PDE4D: variants seen among roughly 807,000 people sequenced by gnomAD.
PDE4D encodes the protein phosphodiesterase 4D.
In PDE4D, 24 loss-of-function variants were observed where a neutral mutation model predicts 87.4. The observed-to-expected ratio is 0.27, with a 90% CI of 0.20 to 0.39. The LOEUF (loss-of-function observed/expected upper bound fraction) is 0.39, where lower values mean the gene tolerates loss of function less well. Among genes scored for constraint, PDE4D ranks in the 10% least tolerant of loss-of-function variants. The pLI is 1.00. For missense variants in PDE4D, 714 were observed against 1,041.0 expected, an observed-to-expected ratio of 0.69 and a Z score of 4.32; for synonymous variants, 384 against 383.2, an observed-to-expected ratio of 1.00 and a Z score of -0.02.
chr5:59,962,075 AT>A (rs113570303), intron 3 of PDE4D, among the ~76,000 whole-genome samples: 5,782 of 152,288 alleles, frequency 0.038, 330 homozygotes, highest in East Asian at 0.13. Flanking sequence ...AGGACTAAAA[AT>A]ATAAATGAAT....
chr5:59,836,190 A>C (rs1183598600), intron 1 of PDE4D, among the ~76,000 whole-genome samples: 1 of 152,008 alleles, frequency 6.6e-6, no homozygotes, highest in Non-Finnish European at 1.5e-5. Flanking sequence ...CATCTTCACC[A>C]TCAGTATCAT....
chr5:59,153,262 C>G (rs1461989580), intron 5 of PDE4D, among the ~76,000 whole-genome samples: 2 of 152,058 alleles, frequency 1.3e-5, no homozygotes, highest in African/African-American at 4.8e-5. Flanking sequence ...TCATTGACCA[C>G]TATAAGGCTT....
intron 1 of PDE4D, among the ~76,000 whole-genome samples, chr5:60,476,611 T>C (rs1359913757): frequency 3.9e-5 from 6 of 152,176 alleles, no homozygotes; most frequent in Non-Finnish European, 8.8e-5. Context: ...TGGTCCCTTG[T>C]TGTCTCCCCC....
chr5:59,249,025 C>G (rs1759416442), intron 1 of PDE4D, among the ~76,000 whole-genome samples: 1 of 151,450 alleles, frequency 6.6e-6, no homozygotes, highest in African/African-American at 2.4e-5. Flanking sequence ...ACACCATGAA[C>G]AAAAGTAAAA....
chr5:59,734,738 A>G (rs1262923749), intron 1 of PDE4D, among the ~76,000 whole-genome samples: 1 of 152,182 alleles, frequency 6.6e-6, no homozygotes, highest in African/African-American at 2.4e-5. Flanking sequence ...TCACAGTTAA[A>G]AAACACAGAA....
At chr5:60,328,778 A>G (rs1320317169) in intron 1 of PDE4D, among the ~76,000 whole-genome samples, 3 of 152,212 alleles carry the variant, frequency 2.0e-5, no homozygotes, top group African/African-American at 4.8e-5. Context: ...TGGTATAAGG[A>G]TTAGTTTGAA....
intron 1 of PDE4D, among the ~76,000 whole-genome samples, chr5:59,234,257 T>C (rs970794886): frequency 7.2e-5 from 11 of 152,208 alleles, no homozygotes; most frequent in African/African-American, 2.7e-4. Context: ...GATTATGATA[T>C]TCAATTATGT....
chr5:59,311,499 C>CAAAAAAAAAA (rs35020719), intron 1 of PDE4D, among the ~76,000 whole-genome samples: 3 of 43,356 alleles, frequency 6.9e-5, no homozygotes, highest in African/African-American at 1.9e-4. Context: ...GACTCTGTCT[C>CAAAAAAAAAA]AAAAAAAAAA....
At chr5:60,076,003 T>C (rs566483747) in intron 2 of PDE4D, among the ~76,000 whole-genome samples, 4 of 152,286 alleles carry the variant, frequency 2.6e-5, no homozygotes, top group Non-Finnish European at 5.9e-5. Flanking sequence ...TTGAATTTTA[T>C]TTCTGTCATA....
At chr5:59,568,778 T>C (rs1052301280) in intron 1 of PDE4D, among the ~76,000 whole-genome samples, 1 of 152,038 alleles carries the variant, frequency 6.6e-6, no homozygotes, top group Non-Finnish European at 1.5e-5. Flanking sequence ...GAAAATTCTA[T>C]AGCAAAGATA....
At chr5:59,736,929 T>C (rs1758153078) in intron 1 of PDE4D, among the ~76,000 whole-genome samples, 1 of 152,166 alleles carries the variant, frequency 6.6e-6, no homozygotes, top group Non-Finnish European at 1.5e-5. Context: ...TTCAAACATT[T>C]AATACAAAAG....
chr5:59,675,186 A>ATCAGCAATTTT (rs11275570), intron 1 of PDE4D, among the ~76,000 whole-genome samples: 111,582 of 151,520 alleles, frequency 0.74, 41,172 homozygotes, highest in East Asian at 0.83. Context: ...TGTGATTCAA[A>ATCAGCAATTTT]TCTATAATAC....
intron 2 of PDE4D, among the ~76,000 whole-genome samples, chr5:60,148,333 AACAAT>A (rs1781198974): frequency 6.6e-6 from 1 of 152,256 alleles, no homozygotes; most frequent in African/African-American, 2.4e-5. Flanking sequence ...CCACAAAAGT[AACAAT>A]ACAACCACAA....
In PDE4D at chr5:59,374,393, A is replaced by G. The variant is rs186533818; in HGVS notation, c.456-158425T>C. Among the ~76,000 whole-genome samples, 596 of 152,270 alleles carry G rather than the reference A, an allele frequency of 3.9e-3. 23 individuals are homozygous for G. Among genetic ancestry groups the G allele is most frequent in the Admixed American group, 0.038 (579 of 15,288 alleles). ...GGTTGCAATCCTAGTTTCTGACAAAAAAGACTTTAAACCAACAAAGATAAA... is the reference window on the plus strand; with the variant it reads ...GGTTGCAATCCTAGTTTCTGACAAAGAAGACTTTAAACCAACAAAGATAAA... On this transcript the variant is annotated intron_variant, in intron 1 of 14. Coordinates refer to ENST00000340635, the MANE Select transcript of PDE4D (RefSeq NM_001104631.2).
At chr5:60,376,525 C>G (rs1461610315) in intron 1 of PDE4D, among the ~76,000 whole-genome samples, 1 of 152,214 alleles carries the variant, frequency 6.6e-6, no homozygotes, top group East Asian at 1.9e-4. Context: ...ACAGAAGCCA[C>G]AGCGAATTTC....
chr5:59,559,051 A>G (rs1180462197), intron 1 of PDE4D, among the ~76,000 whole-genome samples: 1 of 152,158 alleles, frequency 6.6e-6, no homozygotes, highest in East Asian at 1.9e-4. Context: ...ATGAGCCAGA[A>G]ATACTCATAT....
intron 3 of PDE4D, among the ~76,000 whole-genome samples, chr5:59,928,942 T>G (rs887723184): frequency 6.6e-6 from 1 of 151,454 alleles, no homozygotes; most frequent in African/African-American, 2.4e-5. Context: ...TCTGCAATTA[T>G]CATCCCCAAA....
intron 1 of PDE4D, among the ~76,000 whole-genome samples, chr5:59,879,437 A>ACTAT (rs1463991144): frequency 2.6e-5 from 4 of 152,192 alleles, no homozygotes; most frequent in African/African-American, 9.7e-5. Flanking sequence ...ACAGTTTTTA[A>ACTAT]CTATCTACTT....
intron 1 of PDE4D, among the ~76,000 whole-genome samples, chr5:59,542,828 G>C (rs1012282978): frequency 6.6e-6 from 1 of 152,084 alleles, no homozygotes; most frequent in Non-Finnish European, 1.5e-5. Flanking sequence ...AAAAAAGGCA[G>C]ACTACAATAT....
Sources: allele counts gnomAD v4.1 joint callset (sites outside exome capture counted in the v4.1 genomes callset), GRCh38; gene constraint gnomAD v4.1.1; transcripts MANE v1.5; gene names NCBI Gene and HGNC (gene_info 2026-07-23, HGNC 2026-07-21).